Variants in SPMIP3 observed in about 807,000 individuals in gnomAD.
The protein encoded by SPMIP3 is protein SPMIP3.
chr1:244,361,524 C>A, the SPMIP3 span, among the ~76,000 whole-genome samples: 3 of 152,004 alleles, frequency 2.0e-5, no homozygotes, highest in African/African-American at 7.2e-5. Flanking sequence ...CCACCGCGCC[C>A]GGCCTGTTCT....
the SPMIP3 span, among the ~76,000 whole-genome samples, chr1:244,373,152 G>T: frequency 1.8e-3 from 278 of 151,570 alleles, no homozygotes; most frequent in African/African-American, 6.3e-3. Flanking sequence ...AGGTCAAGGC[G>T]GGAGAATCAC....
the SPMIP3 span, among the ~76,000 whole-genome samples, chr1:244,360,585 T>G: frequency 6.9e-6 from 1 of 144,100 alleles, no homozygotes; most frequent in African/African-American, 2.6e-5. Flanking sequence ...TATTCAGCCA[T>G]AAAAAAGCAT....
chr1:244,387,456 C>T, the SPMIP3 span, among the ~76,000 whole-genome samples: 1 of 152,040 alleles, frequency 6.6e-6, no homozygotes, highest in South Asian at 2.1e-4. Context: ...TACAAGGGAA[C>T]ACCAATGGGT....
chr1:244,378,370 C>T, the SPMIP3 span: 1 of 1,259,748 alleles, frequency 7.9e-7, no homozygotes, highest in South Asian at 1.4e-5. Flanking sequence ...TCTCTGTTAG[C>T]CTCACGGCCG....
the SPMIP3 span, among the ~76,000 whole-genome samples, chr1:244,377,912 C>T: frequency 6.6e-6 from 1 of 152,156 alleles, no homozygotes; most frequent in East Asian, 1.9e-4. Flanking sequence ...CTCAAGGGAT[C>T]CTCCCACCTG....
the SPMIP3 span, chr1:244,352,852 A>G: frequency 2.2e-4 from 34 of 152,240 alleles, no homozygotes; most frequent in Non-Finnish European, 2.9e-4. Context: ...AACATAAAGA[A>G]ACTTCATGGC....
chr1:244,371,416 T>G, the SPMIP3 span, among the ~76,000 whole-genome samples: 1 of 152,186 alleles, frequency 6.6e-6, no homozygotes, highest in East Asian at 1.9e-4. Context: ...ACATTTCCCC[T>G]TAGGAGGTCA....
At chr1:244,375,510 A>G in the SPMIP3 span, 3 of 1,526,312 alleles carry the variant, frequency 2.0e-6, no homozygotes, top group Admixed American at 1.7e-5. Flanking sequence ...ATGTCACGAA[A>G]GCTACAATGA....
chr1:244,375,232 T>G, the SPMIP3 span: 38 of 580,358 alleles, frequency 6.5e-5, no homozygotes, highest in Middle Eastern at 3.5e-4. Flanking sequence ...ATCAGGAAAT[T>G]CCATGGGTTT....
At chr1:244,360,039 G>A in the SPMIP3 span, among the ~76,000 whole-genome samples, 6 of 152,074 alleles carry the variant, frequency 3.9e-5, no homozygotes, top group Non-Finnish European at 7.4e-5. Flanking sequence ...AACCCGGGAG[G>A]CGGAGGTTGC....
the SPMIP3 span, among the ~76,000 whole-genome samples, chr1:244,359,062 T>C: frequency 2.0e-5 from 3 of 151,956 alleles, no homozygotes; most frequent in East Asian, 1.9e-4. Flanking sequence ...TTTTTTAAGA[T>C]TGACTAAAAT....
At chr1:244,353,842 T>C in the SPMIP3 span, among the ~76,000 whole-genome samples, 6 of 152,148 alleles carry the variant, frequency 3.9e-5, no homozygotes, top group Non-Finnish European at 7.4e-5. Context: ...AAGTAACTCA[T>C]TGCTGCGAGC....
the SPMIP3 span, among the ~76,000 whole-genome samples, chr1:244,382,298 C>T: frequency 6.6e-6 from 1 of 151,682 alleles, no homozygotes; most frequent in Non-Finnish European, 1.5e-5. Context: ...AAGGAAGTTA[C>T]TTTAAATAGG....
chr1:244,377,924 G>A, the SPMIP3 span, among the ~76,000 whole-genome samples: 4 of 152,094 alleles, frequency 2.6e-5, no homozygotes, highest in African/African-American at 9.7e-5. Flanking sequence ...TCCCACCTGA[G>A]CCTCCCTAGT....
At chr1:244,356,466 T>C in the SPMIP3 span, among the ~76,000 whole-genome samples, 2 of 152,250 alleles carry the variant, frequency 1.3e-5, no homozygotes, top group Non-Finnish European at 2.9e-5. Context: ...AGTCAGCATG[T>C]TGAAAATTAA....
the SPMIP3 span, among the ~76,000 whole-genome samples, chr1:244,383,155 CCAGT>C: frequency 1.3e-5 from 2 of 152,152 alleles, no homozygotes; most frequent in Non-Finnish European, 2.9e-5. Flanking sequence ...TATTTAAGTG[CCAGT>C]CAATGTGACA....
At chr1:244,368,174 G>T in the SPMIP3 span, among the ~76,000 whole-genome samples, 1 of 152,102 alleles carries the variant, frequency 6.6e-6, no homozygotes, top group Non-Finnish European at 1.5e-5. Flanking sequence ...GGCCAGGCTG[G>T]TCTCGAACTC....
At chr1:244,376,195 C>T in the SPMIP3 span, among the ~76,000 whole-genome samples, 35 of 152,164 alleles carry the variant, frequency 2.3e-4, no homozygotes, top group African/African-American at 7.2e-4. Context: ...CCCACGAGCA[C>T]GGTCAGATTC....
chr1:244,364,719 C>T, the SPMIP3 span: 222 of 1,614,004 alleles, frequency 1.4e-4, 1 homozygote, highest in South Asian at 3.1e-4. Flanking sequence ...CATCCGACTA[C>T]GAGAATTTAT....
Sources: allele counts gnomAD v4.1 joint callset (sites outside exome capture counted in the v4.1 genomes callset), GRCh38; gene constraint gnomAD v4.1.1; transcripts MANE v1.5; gene names NCBI Gene and HGNC (gene_info 2026-07-23, HGNC 2026-07-21).